ZKSCAN5: variants seen among roughly 807,000 people sequenced by gnomAD.
ZKSCAN5 encodes zinc finger with KRAB and SCAN domains 5.
In ZKSCAN5, 28 loss-of-function variants were observed where a neutral mutation model predicts 60.0. The ratio of observed to expected loss-of-function variants is 0.47; its 90% confidence interval spans 0.35 to 0.64. ZKSCAN5 has a LOEUF of 0.64. Ranked by LOEUF, ZKSCAN5 falls within the 30% of genes least tolerant of loss-of-function variation. The pLI is 0.01. For missense variants in ZKSCAN5, 881 were observed against 1,034.6 expected, an observed-to-expected ratio of 0.85 and a Z score of 2.04; for synonymous variants, 361 against 371.2, an observed-to-expected ratio of 0.97 and a Z score of 0.31.
In ZKSCAN5 at chr7:99,512,448, G is replaced by A. The variant is rs1242389072; in HGVS notation, c.415-5G>A. On this transcript the variant is annotated splice_region_variant and splice_polypyrimidine_tract_variant and intron_variant, in intron 2 of 6. Transcript: ENST00000326775. ...GTACTGATCGGTTTTGGTTGTGGTT[G>A]TTAGATTGTTGCCTGCCCTGATGTG... 22 of 1,613,038 alleles carry A rather than the reference G, an allele frequency of 1.4e-5. No individual in the cohort carries two copies. The highest frequency in any genetic ancestry group is 1.9e-5 in the Non-Finnish European group (22 of 1,179,468).
rs1289511703 is a variant in ZKSCAN5, at chr7:99,520,243, G to A, written c.711G>A (p.Gln237=). ...FILEEWGHLD[Q]SQKSLYRDDR... is the part of the protein sequence containing the mutation. Reference sequence around the variant, plus strand: ...TGGAGGAATGGGGGCATTTGGACCAGTCCCAGAAGTCCCTTTATAGGGATG... The same window carrying A: ...TGGAGGAATGGGGGCATTTGGACCAATCCCAGAAGTCCCTTTATAGGGATG... Residue 237 remains glutamine, a synonymous_variant, in exon 5 of 7, where the codon CAG becomes CAA. Coordinates refer to ENST00000326775, the MANE Select transcript of ZKSCAN5 (RefSeq NM_145102.4). 1 of 1,614,160 alleles carries A rather than the reference G, an allele frequency of 6.2e-7. No homozygotes were observed. Among genetic ancestry groups the A allele is most frequent in the Non-Finnish European group, 8.5e-7 (1 of 1,180,026 alleles).
chr7:99,517,378 A>G (rs1801311607), intron 3 of ZKSCAN5, among the ~76,000 whole-genome samples: 1 of 147,774 alleles, frequency 6.8e-6, no homozygotes, highest in South Asian at 2.4e-4. Context: ...ATAATGTTTT[A>G]AGAAACTTTA....
In ZKSCAN5 at chr7:99,525,672, C is replaced by T. The variant is rs979647080; in HGVS notation, c.773-141C>T. 175 of 1,184,054 alleles carry T rather than the reference C, an allele frequency of 1.5e-4. 1 individual carries two copies. The highest frequency in any genetic ancestry group is 1.9e-4 in the Non-Finnish European group (164 of 869,812). The allele number at this position is 1,184,054 out of a possible 1,614,324, so 73.3% of individuals were successfully genotyped here. A position where few individuals can be genotyped will look rare whatever the true frequency, so the allele number is the denominator to read the frequency against. On this transcript the variant is annotated intron_variant, in intron 5 of 6. Transcript: ENST00000326775. ...CTCACTTTTCTGCTTGAATATTTTT[C>T]ATCCCATCCCTGTACTGTAAAAGTC...
chr7:99,529,666 A>G (rs1227341389), intron 6 of ZKSCAN5, among the ~76,000 whole-genome samples: 1 of 152,176 alleles, frequency 6.6e-6, no homozygotes, highest in Non-Finnish European at 1.5e-5. Context: ...AGTTGTATTA[A>G]TTTATCTCTC....
At chr7:99,519,752 G>C (rs1214234633) in intron 3 of ZKSCAN5, 75 bp from the exon 4 acceptor site, 1 of 1,444,936 alleles carries the variant, frequency 6.9e-7, no homozygotes, top group African/African-American at 1.4e-5. Context: ...GGATTCCTGA[G>C]CATAAGAGGA....
intron 3 of ZKSCAN5, 110 bp downstream of exon 3, chr7:99,512,701 A>G (rs541921759): frequency 7.1e-7 from 1 of 1,406,330 alleles, no homozygotes; most frequent in African/African-American, 1.4e-5. Flanking sequence ...GCCTCTCTAC[A>G]GCCTGCAGGG....
chr7:99,532,125 A>C lies in ZKSCAN5; in HGVS notation c.2396A>C (p.Lys799Thr). The C allele has an allele frequency of 6.2e-7, 1 of 1,614,154 alleles. No individual in the cohort carries two copies. ...CATCAGAGAATCCATACTGGTGAGAAACCTTTTCAATGTAAAGAATGTGGA... is the reference window on the plus strand; with the variant it reads ...CATCAGAGAATCCATACTGGTGAGACACCTTTTCAATGTAAAGAATGTGGA... ...NQHQRIHTGE[K>T]PFQCKECGMN... The change falls in exon 7 of 7, where the codon AAA (lysine) becomes ACA (threonine). Residue 799 changes from lysine to threonine, a missense_variant. Physicochemically the swap from Lys to Thr is moderately conservative, Grantham distance 78. Coordinates refer to ENST00000326775, the MANE Select transcript of ZKSCAN5 (RefSeq NM_145102.4).
At chr7:99,521,496 C>T (rs1304944826) in intron 5 of ZKSCAN5, among the ~76,000 whole-genome samples, 1 of 152,132 alleles carries the variant, frequency 6.6e-6, no homozygotes, top group Non-Finnish European at 1.5e-5. Context: ...CATGCCCCGC[C>T]CACAATGCAA....
At chr7:99,519,801 T>C in intron 3 of ZKSCAN5, 26 bp from the exon 4 acceptor site, 1 of 1,602,488 alleles carries the variant, frequency 6.2e-7, no homozygotes, top group East Asian at 2.2e-5. Flanking sequence ...ATGTTCTCAC[T>C]TAAACCTCTT....
At position 99,514,964 on chromosome 7, in the gene ZKSCAN5, C is replaced by T. The variant is rs918516477; in HGVS notation, c.553+2373C>T. Among the ~76,000 whole-genome samples the T allele has an allele frequency of 1.5e-4, 22 of 151,668 alleles. 1 individual carries two copies. The highest frequency in any genetic ancestry group is 3.9e-4 in the African/African-American group (16 of 41,332). ...GCATGGTGGCACACGCCTGTGGTCC[C>T]GGCTATACCAGAGGCTGAGGTGGGA... On this transcript the variant is annotated intron_variant, in intron 3 of 6. Coordinates refer to ENST00000326775, the MANE Select transcript of ZKSCAN5 (RefSeq NM_145102.4).
At chr7:99,517,317 G>C (rs1213127431) in intron 3 of ZKSCAN5, among the ~76,000 whole-genome samples, 1 of 151,988 alleles carries the variant, frequency 6.6e-6, no homozygotes, top group East Asian at 2.0e-4. Context: ...ACCCTCATCA[G>C]CCTCCCAAAG....
chr7:99,522,631 C>T (rs886168602), intron 5 of ZKSCAN5, among the ~76,000 whole-genome samples: 1 of 151,594 alleles, frequency 6.6e-6, no homozygotes, highest in African/African-American at 2.4e-5. Flanking sequence ...GGATTACAGG[C>T]ACCCTCCACC....
At chr7:99,528,182 A>G (rs1413950091) in intron 6 of ZKSCAN5, among the ~76,000 whole-genome samples, 1 of 144,078 alleles carries the variant, frequency 6.9e-6, no homozygotes, top group Non-Finnish European at 1.5e-5. Flanking sequence ...ATCTTCCACC[A>G]TGGCACAGAA....
At chr7:99,522,590 C>T (rs547683105) in intron 5 of ZKSCAN5, among the ~76,000 whole-genome samples, 1 of 151,760 alleles carries the variant, frequency 6.6e-6, no homozygotes, top group South Asian at 2.1e-4. Context: ...TCTCGCACCT[C>T]AGCCTCCCGA....
At chr7:99,530,597 G>T (rs1372233274) in intron 6 of ZKSCAN5, among the ~76,000 whole-genome samples, 6 of 151,734 alleles carry the variant, frequency 4.0e-5, no homozygotes, top group African/African-American at 1.5e-4. Context: ...AATATTTTCT[G>T]CCATCCTGTG....
intron 3 of ZKSCAN5, among the ~76,000 whole-genome samples, chr7:99,518,359 T>G (rs1340665271): frequency 6.6e-6 from 1 of 151,712 alleles, no homozygotes; most frequent in African/African-American, 2.4e-5. Flanking sequence ...AGGCGGAGGT[T>G]GCAGTGAGCT....
At chr7:99,508,297 CAAA>C (rs199941738) in intron 2 of ZKSCAN5, among the ~76,000 whole-genome samples, 1 of 146,490 alleles carries the variant, frequency 6.8e-6, no homozygotes, top group Admixed American at 6.8e-5. Context: ...GACTCCATCT[CAAA>C]AAAAAAAGTA....
At chr7:99,525,730 C>T in intron 5 of ZKSCAN5, 83 bp from the exon 6 acceptor site, 1 of 1,506,950 alleles carries the variant, frequency 6.6e-7, no homozygotes, top group Non-Finnish European at 8.9e-7. Context: ...TAGCACATGT[C>T]AGTTTCTCTT....
At position 99,533,336 on chromosome 7, in the gene ZKSCAN5, G is replaced by A. The variant is rs1479761027; in HGVS notation, c.*1087G>A. On this transcript the variant is annotated 3_prime_UTR_variant, in exon 7 of 7. Coordinates refer to ENST00000326775, the MANE Select transcript of ZKSCAN5 (RefSeq NM_145102.4). ...TTTTGAGTGGGAAAGAGGATGACAT[G>A]TGTGAGAGAGTTCTGAGCCTGTTTG... 1 of 633,532 alleles carries A rather than the reference G, an allele frequency of 1.6e-6. No homozygotes were observed. Among genetic ancestry groups the A allele is most frequent in the Non-Finnish European group, 2.9e-6 (1 of 343,098 alleles). The allele number at this position is 633,532 out of a possible 1,614,324, so 39.2% of individuals were successfully genotyped here. A position where few individuals can be genotyped will look rare whatever the true frequency, so the allele number is the denominator to read the frequency against.
Sources: allele counts gnomAD v4.1 joint callset (sites outside exome capture counted in the v4.1 genomes callset), GRCh38; gene constraint gnomAD v4.1.1; transcripts MANE v1.5; gene names NCBI Gene and HGNC (gene_info 2026-07-23, HGNC 2026-07-21).